The following FLT3LG variants were observed in gnomAD, a reference collection of about 807,000 sequenced individuals.
The protein encoded by FLT3LG is fms-related tyrosine kinase 3 ligand.
In FLT3LG, 8 loss-of-function variants were observed where a neutral mutation model predicts 30.9. The observed-to-expected ratio is 0.26, with a 90% CI of 0.15 to 0.47. FLT3LG has a LOEUF of 0.47. Ranked by LOEUF, FLT3LG falls within the 20% of genes least tolerant of loss-of-function variation. The probability of loss-of-function intolerance (pLI) is 0.99; values close to 1 mark genes in which losing one functional copy is unlikely to be tolerated. For missense variants in FLT3LG, 278 were observed against 306.2 expected, an observed-to-expected ratio of 0.91 and a Z score of 0.69; for synonymous variants, 123 against 135.9, an observed-to-expected ratio of 0.91 and a Z score of 0.66.
rs2079393003 is a variant in FLT3LG, at chr19:49,476,346, G to A, written c.199-77G>A. ...CTCCTCCCTCAGACCCAGGAGCCCCGGCCCAGCCCCTCCTCCCTCAGACCC... is the reference window on the plus strand; with the variant it reads ...CTCCTCCCTCAGACCCAGGAGCCCCAGCCCAGCCCCTCCTCCCTCAGACCC... On this transcript the variant is annotated intron_variant, in intron 4 of 8. Coordinates refer to ENST00000597551, the MANE Select transcript of FLT3LG (RefSeq NM_001459.4). The surrounding 1 kb of genome is among the most constrained non-coding windows in gnomAD (Gnocchi z 5.3). 2.6e-6 allele frequency: 4 copies of A among 1,533,782 alleles called. No homozygotes were observed. The highest frequency in any genetic ancestry group is 3.6e-6 in the Non-Finnish European group (4 of 1,120,342).
Position 49,476,328 on chromosome 19 carries a change from C to T in FLT3LG, c.199-95C>T. The T allele has an allele frequency of 1.3e-6, 2 of 1,496,550 alleles. No individual in the cohort carries two copies. Among genetic ancestry groups the T allele is most frequent in the Non-Finnish European group, 9.2e-7 (1 of 1,083,958 alleles). 92.7% of individuals were successfully genotyped at this position (1,496,550 alleles called of 1,614,324 possible). A position where few individuals can be genotyped will look rare whatever the true frequency, so the allele number is the denominator to read the frequency against. ...AATCAGAGTCCTCAGCCCCTCCTCC[C>T]TCAGACCCAGGAGCCCCGGCCCAGC... On this transcript the variant is annotated intron_variant, in intron 4 of 8. Transcript: ENST00000597551. The surrounding 1 kb of genome is among the most constrained non-coding windows in gnomAD (Gnocchi z 5.3).
chr19:49,474,251 G>C lies in FLT3LG; in HGVS notation c.-68G>C. ...CGGTCTCTGGCTGTCACCCGGCTTGGCCCCTTCCACACCCAACTGGGGCAA... is the reference window on the plus strand; with the variant it reads ...CGGTCTCTGGCTGTCACCCGGCTTGCCCCCTTCCACACCCAACTGGGGCAA... On this transcript the variant is annotated 5_prime_UTR_variant, in exon 1 of 9. Transcript: ENST00000597551. The C allele has an allele frequency of 3.4e-6, 1 of 297,000 alleles. No homozygotes were observed. Among genetic ancestry groups the C allele is most frequent in the South Asian group, 5.9e-5 (1 of 16,864 alleles). The allele number at this position is 297,000 out of a possible 1,614,324, so 18.4% of individuals were successfully genotyped here.
chr19:49,484,288 A>ATTTTTTT (rs745909519), intron 8 of FLT3LG, among the ~76,000 whole-genome samples: 8 of 98,350 alleles, frequency 8.1e-5, no homozygotes, highest in African/African-American at 1.8e-4. Context: ...TTTTATTATA[A>ATTTTTTT]TTTTTTTTTT....
At chr19:49,474,488 G>A in intron 1 of FLT3LG, 115 bp from the exon 2 acceptor site, 1 of 707,864 alleles carries the variant, frequency 1.4e-6, no homozygotes, top group Non-Finnish European at 2.4e-6. Context: ...GGGGGAGGAA[G>A]GGGCGGAAAC....
intron 8 of FLT3LG, among the ~76,000 whole-genome samples, chr19:49,485,084 A>T (rs1424175511): frequency 6.6e-6 from 1 of 151,966 alleles, no homozygotes; most frequent in Non-Finnish European, 1.5e-5. Flanking sequence ...GACTGTCTCA[A>T]AAGAAGTTTA....
At chr19:49,484,768 T>C (rs1314046418) in intron 8 of FLT3LG, among the ~76,000 whole-genome samples, 1 of 152,120 alleles carries the variant, frequency 6.6e-6, no homozygotes, top group African/African-American at 2.4e-5. Flanking sequence ...GTGATAGGAT[T>C]ACAGCCATGA....
chr19:49,479,153 C>A, intron 6 of FLT3LG, 106 bp downstream of exon 6: 7 of 999,522 alleles, frequency 7.0e-6, no homozygotes, highest in Non-Finnish European at 9.5e-6. Context: ...TTGGTTGTGA[C>A]AAGGGCAAGC....
At chr19:49,484,134 C>T (rs979228068) in intron 8 of FLT3LG, among the ~76,000 whole-genome samples, 4 of 150,418 alleles carry the variant, frequency 2.7e-5, no homozygotes, top group East Asian at 1.9e-4. Flanking sequence ...CTGCCCGCCT[C>T]AGCCTCCCAA....
rs894541425 is a variant in FLT3LG at position 49,476,630 on chromosome 19, A to G, written c.342+64A>G. On this transcript the variant is annotated intron_variant, in intron 5 of 8. Coordinates refer to ENST00000597551, the MANE Select transcript of FLT3LG (RefSeq NM_001459.4). The surrounding 1 kb of genome is among the most constrained non-coding windows in gnomAD (Gnocchi z 5.3). ...ATGCCTTCCTACGAATTAGAAGTAA[A>G]GCTCCACTAGGCCTTATTGGCGATT... 3.1e-6 allele frequency: 5 copies of G among 1,606,546 alleles called. No homozygotes were observed. Among genetic ancestry groups the G allele is most frequent in the Non-Finnish European group, 3.4e-6 (4 of 1,176,164 alleles).
chr19:49,474,691 C>A lies in FLT3LG; in HGVS notation c.33+19C>A. On this transcript the variant is annotated intron_variant, in intron 2 of 8. Coordinates refer to ENST00000597551, the MANE Select transcript of FLT3LG (RefSeq NM_001459.4). ...CCCAACAGTGCGTAAACCCCAGGGA[C>A]AAGATCAGGGGAGAGGGGAGGCACA... 6.2e-7 allele frequency: 1 copy of A among 1,610,374 alleles called. No individual in the cohort carries two copies. Among genetic ancestry groups the A allele is most frequent in the Non-Finnish European group, 8.5e-7 (1 of 1,179,014 alleles).
intron 8 of FLT3LG, among the ~76,000 whole-genome samples, chr19:49,485,170 A>G (rs1601145166): frequency 9.6e-6 from 1 of 104,198 alleles, no homozygotes; most frequent in Admixed American, 8.8e-5. Flanking sequence ...CCCCATCTCA[A>G]GTGTTCAGTA....
intron 6 of FLT3LG, among the ~76,000 whole-genome samples, 160 bp from the exon 7 acceptor site, chr19:49,480,138 G>T (rs117525982): frequency 0.014 from 2,204 of 152,320 alleles, 133 homozygotes; most frequent in Admixed American, 0.099. Flanking sequence ...GTCTGATGAG[G>T]TAGGTACAAT....
chr19:49,482,940 A>C (rs2079665249), intron 8 of FLT3LG, among the ~76,000 whole-genome samples: 1 of 151,492 alleles, frequency 6.6e-6, no homozygotes, highest in Admixed American at 6.6e-5. Flanking sequence ...CAGTTTTTAA[A>C]AAAGGAAAAA....
chr19:49,478,383 C>T (rs993368585), intron 5 of FLT3LG, among the ~76,000 whole-genome samples: 3 of 152,022 alleles, frequency 2.0e-5, no homozygotes, highest in African/African-American at 2.4e-5. Flanking sequence ...AGGTGAATGG[C>T]GTGAAACCAG....
chr19:49,475,937 T>G (rs1169878772), intron 3 of FLT3LG, 136 bp downstream of exon 3: 20 of 1,030,276 alleles, frequency 1.9e-5, no homozygotes, highest in Non-Finnish European at 5.9e-6. Flanking sequence ...CCTCCCACCT[T>G]GGCCTCCCAA....
intron 5 of FLT3LG, among the ~76,000 whole-genome samples, chr19:49,477,141 CAAAA>C (rs1255384074): frequency 2.6e-5 from 4 of 151,682 alleles, no homozygotes; most frequent in Non-Finnish European, 5.9e-5. Context: ...AACAAACAAA[CAAAA>C]ACCTCTCTCT....
chr19:49,483,947 C>T (rs980369490), intron 8 of FLT3LG, among the ~76,000 whole-genome samples: 1 of 150,354 alleles, frequency 6.7e-6, no homozygotes, highest in Non-Finnish European at 1.5e-5. Context: ...TGCAGTGGCA[C>T]GATCTCGGCT....
chr19:49,476,261 G>A lies in FLT3LG; in HGVS notation c.198+63G>A, dbSNP rs1328857428. The A allele has an allele frequency of 3.7e-5, 55 of 1,468,962 alleles. No individual in the cohort carries two copies. The highest frequency in any genetic ancestry group is 1.7e-4 in the Middle Eastern group (1 of 5,774). The allele number at this position is 1,468,962 out of a possible 1,614,324, so 91.0% of individuals were successfully genotyped here. A position where few individuals can be genotyped will look rare whatever the true frequency, so the allele number is the denominator to read the frequency against. On this transcript the variant is annotated intron_variant, in intron 4 of 8. Transcript: ENST00000597551. This position sits in a 1 kb window ranked among gnomAD's most constrained non-coding sequence, Gnocchi z 5.3. ...GACCACAGACTCAAGATGCTCCACC[G>A]AGGCGAGTGGATAACCAGGCCCTCC...
intron 3 of FLT3LG, 131 bp downstream of exon 3, chr19:49,475,932 C>A: frequency 9.6e-7 from 1 of 1,039,258 alleles, no homozygotes; most frequent in Non-Finnish European, 1.5e-6. Context: ...GCGATCCTCC[C>A]ACCTTGGCCT....
Sources: allele counts gnomAD v4.1 joint callset (sites outside exome capture counted in the v4.1 genomes callset), GRCh38; gene constraint gnomAD v4.1.1; non-coding constraint Gnocchi (gnomAD v3.1); transcripts MANE v1.5; gene names NCBI Gene and HGNC (gene_info 2026-07-23, HGNC 2026-07-21).